The following COMMD6 variants were observed in gnomAD, a reference collection of about 807,000 sequenced individuals.
COMMD6 encodes the protein COMM domain-containing protein 6.
In COMMD6, 11 loss-of-function variants were observed where a neutral mutation model predicts 13.4. The ratio of observed to expected loss-of-function variants is 0.82; its 90% CI spans 0.52 to 1.36. The LOEUF is 1.36. COMMD6 is among the 40% of genes most tolerant of loss of function. The pLI is 0.00. For missense variants in COMMD6, 124 were observed against 102.4 expected, an observed-to-expected ratio of 1.21 and a Z score of -0.91; for synonymous variants, 43 against 36.5, an observed-to-expected ratio of 1.18 and a Z score of -0.64.
chr13:75,532,294 T>C (rs549956310), intron 2 of COMMD6, among the ~76,000 whole-genome samples: 4 of 152,222 alleles, frequency 2.6e-5, no homozygotes, highest in African/African-American at 4.8e-5. Context: ...GAGAGAGCAA[T>C]GTAAGTCAGT....
chr13:75,536,815 TTC>T (rs1364743005), intron 2 of COMMD6, among the ~76,000 whole-genome samples: 1 of 152,242 alleles, frequency 6.6e-6, no homozygotes, highest in Admixed American at 6.5e-5. Context: ...ATTAGTATAA[TTC>T]TGTTTCAGAA....
chr13:75,539,460 G>C (rs1319589273), upstream of COMMD6, among the ~76,000 whole-genome samples: 2 of 152,090 alleles, frequency 1.3e-5, no homozygotes, highest in Non-Finnish European at 2.9e-5. Flanking sequence ...GGTTGATCTG[G>C]AACTCCTGTC....
chr13:75,528,657 C>T (rs1021357545), intron 3 of COMMD6, among the ~76,000 whole-genome samples: 6 of 151,812 alleles, frequency 4.0e-5, no homozygotes, highest in Non-Finnish European at 7.4e-5. Context: ...GCCTGGCCAA[C>T]ATGGTGAAAC....
In COMMD6 at chr13:75,537,831, G is replaced by A. The variant is rs1259946829; in HGVS notation, c.-26C>T. ...GGGCAGCGTCTGGGACTTGCGGCCC[G>A]GACTCGAGAGAACGCCCCCAGACCA... On this transcript the variant is annotated 5_prime_UTR_variant, in exon 1 of 4. Coordinates refer to ENST00000682242, the MANE Select transcript of COMMD6 (RefSeq NM_203495.4). 3.2e-6 allele frequency: 5 copies of A among 1,578,118 alleles called. No individual in the cohort carries two copies. The highest frequency in any genetic ancestry group is 2.2e-5 in the East Asian group (1 of 44,486).
intron 2 of COMMD6, 177 bp from the exon 3 acceptor site, chr13:75,530,443 G>T (rs778521115): frequency 2.4e-5 from 11 of 457,086 alleles, no homozygotes; most frequent in Non-Finnish European, 3.8e-5. Flanking sequence ...AAAATGGAGA[G>T]GTTATAAGGG....
chr13:75,539,949 G>A (rs1034785765), upstream of COMMD6, among the ~76,000 whole-genome samples: 4 of 150,182 alleles, frequency 2.7e-5, no homozygotes, highest in East Asian at 4.0e-4. Context: ...TCAGTGTGTC[G>A]GTTCTTTTTG....
rs1345221664 is a variant in COMMD6 at position 75,530,265 on chromosome 13, A to G, written c.56T>C (p.Leu19Pro). ...ACCCAGTTTCCACTGAAAATCTACAAGCTTTAATAAGACAGGACAAAATAA... is the reference window on the plus strand; with the variant it reads ...ACCCAGTTTCCACTGAAAATCTACAGGCTTTAATAAGACAGGACAAAATAA... ...LDAKSDVTNQ[L>P]VDFQWKLGMA... The change falls in exon 3 of 4, where the codon CTT becomes CCT. Residue 19 changes from leucine to proline, a missense_variant and splice_region_variant. Transcript: ENST00000682242. 1 of 1,608,348 alleles carries G rather than the reference A, an allele frequency of 6.2e-7. No individual in the cohort carries two copies. The highest frequency in any genetic ancestry group is 1.7e-5 in the Admixed American group (1 of 58,888).
upstream of COMMD6, among the ~76,000 whole-genome samples, chr13:75,539,173 TTC>T (rs956286826): frequency 1.3e-5 from 2 of 151,996 alleles, no homozygotes; most frequent in East Asian, 1.9e-4. Context: ...CCTGAAAAAA[TTC>T]TCTGTTTCTA....
chr13:75,528,999 T>A (rs2030367602), intron 3 of COMMD6, among the ~76,000 whole-genome samples: 1 of 152,216 alleles, frequency 6.6e-6, no homozygotes, highest in South Asian at 2.1e-4. Flanking sequence ...TTTTAGTTAG[T>A]TTTACAAAGA....
chr13:75,528,009 AC>A (rs2030327157), intron 3 of COMMD6, among the ~76,000 whole-genome samples: 1 of 105,834 alleles, frequency 9.4e-6, no homozygotes, highest in South Asian at 2.5e-4. Context: ...CAGCACACAC[AC>A]ACACACACAC....
chr13:75,534,637 A>G (rs2030599948), intron 2 of COMMD6, among the ~76,000 whole-genome samples: 1 of 152,240 alleles, frequency 6.6e-6, no homozygotes, highest in Non-Finnish European at 1.5e-5. Context: ...GAAGTATTAA[A>G]AAAGGAAAAC....
chr13:75,542,664 A>G (rs766210747), upstream of COMMD6, among the ~76,000 whole-genome samples: 2 of 152,204 alleles, frequency 1.3e-5, no homozygotes, highest in Non-Finnish European at 2.9e-5. Flanking sequence ...AGGGGGAATT[A>G]AGGTTGCTAA....
upstream of COMMD6, among the ~76,000 whole-genome samples, chr13:75,540,217 C>T (rs927164082): frequency 3.3e-5 from 5 of 151,774 alleles, 1 homozygote; most frequent in South Asian, 6.3e-4. Context: ...GCAATCTGCC[C>T]GCCTCAGCCT....
At chr13:75,545,597 C>T (rs533279925) in intron 1 of COMMD6, among the ~76,000 whole-genome samples, 4 of 152,030 alleles carry the variant, frequency 2.6e-5, no homozygotes, top group East Asian at 1.9e-4. Context: ...CTCAGGCTCC[C>T]GAGTAATGGG....
At chr13:75,539,650 G>A (rs2030792336), upstream of COMMD6, among the ~76,000 whole-genome samples, 1 of 152,152 alleles carries the variant, frequency 6.6e-6, no homozygotes, top group African/African-American at 2.4e-5. Context: ...GAAATCTTTG[G>A]AGGAGGGCAT....
Position 75,526,655 on chromosome 13 carries a change from G to A in COMMD6, c.208-16C>T, listed in dbSNP as rs1419472577. 2.5e-6 allele frequency: 4 copies of A among 1,570,178 alleles called. No individual in the cohort carries two copies. Among genetic ancestry groups the A allele is most frequent in the Non-Finnish European group, 3.5e-6 (4 of 1,145,952 alleles). On this transcript the variant is annotated splice_polypyrimidine_tract_variant and intron_variant, in intron 3 of 3. Coordinates refer to ENST00000682242, the MANE Select transcript of COMMD6 (RefSeq NM_203495.4). ...TGTAGAAATTCTGGAGAGAAAGGGG[G>A]AAAATAATATTAATTTTGCTTTTAG...
chr13:75,528,878 TGAAAG>T (rs756901742), intron 3 of COMMD6, among the ~76,000 whole-genome samples: 2 of 146,384 alleles, frequency 1.4e-5, no homozygotes, highest in South Asian at 4.3e-4. Flanking sequence ...AAAAAAGAAA[TGAAAG>T]GGAAACAAAT....
Position 75,528,026 on chromosome 13 carries a change from CACACACAT to C in COMMD6, c.208-1395_208-1388del, listed in dbSNP as rs893882478. ...GCACACACACACACACACACACACACACACACATACATGCACACACTCTCTCCAAAAAA... is the reference window on the plus strand; with the variant it reads ...GCACACACACACACACACACACACACACATGCACACACTCTCTCCAAAAAA... On this transcript the variant is annotated intron_variant, in intron 3 of 3. Coordinates refer to ENST00000682242, the MANE Select transcript of COMMD6 (RefSeq NM_203495.4). 7.5e-4 allele frequency among the ~76,000 whole-genome samples: 106 copies of C among 140,450 alleles called. 1 individual carries two copies. Among genetic ancestry groups the C allele is most frequent in the Non-Finnish European group, 1.1e-4 (7 of 64,006 alleles). The allele number at this position is 140,450 out of a possible 152,430, so 92.1% of individuals were successfully genotyped here. A position where few individuals can be genotyped will look rare whatever the true frequency, so the allele number is the denominator to read the frequency against.
At chr13:75,535,591 G>C (rs1445714573) in intron 2 of COMMD6, among the ~76,000 whole-genome samples, 1 of 152,140 alleles carries the variant, frequency 6.6e-6, no homozygotes, top group African/African-American at 2.4e-5. Context: ...GTAATTTGTC[G>C]ATTTCAGTTT....
Sources: allele counts gnomAD v4.1 joint callset (sites outside exome capture counted in the v4.1 genomes callset), GRCh38; gene constraint gnomAD v4.1.1; transcripts MANE v1.5; gene names NCBI Gene and HGNC (gene_info 2026-07-23, HGNC 2026-07-21).